Variants in LARS2 observed in about 807,000 individuals in gnomAD.
The protein encoded by LARS2 is leucyl-tRNA synthetase 2, mitochondrial, also known as leucine--tRNA ligase, mitochondrial.
LARS2 carries 81 observed loss-of-function variants against 116.6 expected under a neutral mutation model. The observed-to-expected ratio is 0.69, with a 90% CI of 0.58 to 0.84. The LOEUF is 0.84. LARS2 is among the 40% of genes least tolerant of loss of function. LARS2 has a pLI of 0.00. For missense variants in LARS2, 968 were observed against 1,114.5 expected (o/e 0.87, Z 1.87); for synonymous variants, 396 against 407.2 (o/e 0.97, Z 0.33).
intron 4 of LARS2, among the ~76,000 whole-genome samples, chr3:45,412,008 G>C (rs1276646096): frequency 6.6e-6 from 1 of 152,186 alleles, no homozygotes; most frequent in Non-Finnish European, 1.5e-5. Flanking sequence ...TGTTGCTGCA[G>C]AGGACATGAT....
At chr3:45,470,118 T>G (rs1699496336) in intron 8 of LARS2, among the ~76,000 whole-genome samples, 1 of 152,188 alleles carries the variant, frequency 6.6e-6, no homozygotes, top group Non-Finnish European at 1.5e-5. Context: ...TTTTTTTACC[T>G]GGGTCTTCTA....
intron 20 of LARS2, among the ~76,000 whole-genome samples, chr3:45,535,740 T>C (rs1158461836): frequency 7.3e-6 from 1 of 137,022 alleles, no homozygotes; most frequent in Non-Finnish European, 1.6e-5. Flanking sequence ...ATGGTTATGC[T>C]AAGTTACACA....
intron 1 of LARS2, among the ~76,000 whole-genome samples, chr3:45,391,145 T>C (rs1697939879): frequency 6.6e-6 from 1 of 152,178 alleles, no homozygotes; most frequent in Non-Finnish European, 1.5e-5. Context: ...TTTCATTGTT[T>C]TTATACTCAG....
At chr3:45,442,278 C>T (rs1166444591) in intron 6 of LARS2, among the ~76,000 whole-genome samples, 2 of 152,218 alleles carry the variant, frequency 1.3e-5, no homozygotes, top group African/African-American at 2.4e-5. Context: ...CCCCACCCCA[C>T]AGACACAGGG....
chr3:45,524,197 C>A, intron 20 of LARS2, 89 bp downstream of exon 20: 1 of 839,818 alleles, frequency 1.2e-6, no homozygotes, highest in Non-Finnish European at 2.0e-6. Context: ...CTCAGATGTC[C>A]TCAGATATAG....
chr3:45,403,804 C>T (rs898923793), intron 4 of LARS2, among the ~76,000 whole-genome samples: 1 of 151,876 alleles, frequency 6.6e-6, no homozygotes, highest in South Asian at 2.1e-4. Context: ...TAAGGTCAGG[C>T]TAGACCCAGA....
chr3:45,487,362 A>G (rs568614394), intron 11 of LARS2, among the ~76,000 whole-genome samples: 45 of 152,330 alleles, frequency 3.0e-4, no homozygotes, highest in African/African-American at 1.1e-3. Flanking sequence ...CTAGAACACT[A>G]CAAAACTTTC....
chr3:45,425,922 C>CT (rs200594189), intron 6 of LARS2, among the ~76,000 whole-genome samples: 13,199 of 99,766 alleles, frequency 0.13, 948 homozygotes, highest in East Asian at 0.26. Flanking sequence ...CTTTTCTTTT[C>CT]TTTTTTTTTT....
At chr3:45,494,057 C>G (rs1194473608) in intron 13 of LARS2, among the ~76,000 whole-genome samples, 2 of 152,160 alleles carry the variant, frequency 1.3e-5, no homozygotes, top group African/African-American at 4.8e-5. Flanking sequence ...CTGTTGAGAT[C>G]AGCTTCTTAG....
At chr3:45,535,236 A>AG (rs1385980095) in intron 20 of LARS2, among the ~76,000 whole-genome samples, 4 of 152,106 alleles carry the variant, frequency 2.6e-5, no homozygotes, top group Admixed American at 6.6e-5. Flanking sequence ...CTATAATCCC[A>AG]GCTACTCAGG....
At chr3:45,438,997 G>A (rs2125699499) in intron 6 of LARS2, among the ~76,000 whole-genome samples, 1 of 152,206 alleles carries the variant, frequency 6.6e-6, no homozygotes, top group East Asian at 1.9e-4. Flanking sequence ...GGGCTGTACT[G>A]AGTGTCTGAT....
intron 13 of LARS2, among the ~76,000 whole-genome samples, chr3:45,494,099 C>T (rs1400063960): frequency 1.3e-5 from 2 of 152,114 alleles, no homozygotes; most frequent in Non-Finnish European, 2.9e-5. Flanking sequence ...GCTGGGTTCC[C>T]CGAGGGCTCT....
intron 7 of LARS2, among the ~76,000 whole-genome samples, chr3:45,449,503 C>T (rs993707243): frequency 6.6e-6 from 1 of 152,060 alleles, no homozygotes; most frequent in East Asian, 1.9e-4. Flanking sequence ...ATAACTAACC[C>T]ACACCCATGA....
At chr3:45,461,539 G>T (rs1374652334) in intron 8 of LARS2, among the ~76,000 whole-genome samples, 1 of 152,132 alleles carries the variant, frequency 6.6e-6, no homozygotes, top group Admixed American at 6.6e-5. Context: ...TAACCATGGG[G>T]ACCATAGGAA....
At position 45,400,251 on chromosome 3, in the gene LARS2, A is replaced by C; in HGVS notation, c.241A>C (p.Lys81Gln). ...ASKISEADKS[K>Q]PKFYVLSMFP... is the part of the protein sequence containing the mutation. ...CATTGTCGTTCTTTCCTAGAAATCG[A>C]AGCCAAAATTTTACGTGCTTTCCAT... Residue 81 changes from lysine to glutamine, a missense_variant, in exon 4 of 22, where the codon AAG becomes CAG. Physicochemically the swap from Lys to Gln is moderately conservative, Grantham distance 53. Transcript: ENST00000645846. 1 of 1,612,996 alleles carries C rather than the reference A, an allele frequency of 6.2e-7. No individual in the cohort carries two copies. Among genetic ancestry groups the C allele is most frequent in the African/African-American group, 1.3e-5 (1 of 74,992 alleles).
At chr3:45,482,519 T>A (rs1340034099) in intron 10 of LARS2, among the ~76,000 whole-genome samples, 1 of 152,228 alleles carries the variant, frequency 6.6e-6, no homozygotes, top group South Asian at 2.1e-4. Context: ...CAAACATTAG[T>A]GTCACCTTGC....
intron 13 of LARS2, among the ~76,000 whole-genome samples, chr3:45,492,237 A>G (rs1559486440): frequency 6.6e-6 from 1 of 152,252 alleles, no homozygotes; most frequent in Non-Finnish European, 1.5e-5. Context: ...TGAGTAGCAG[A>G]GTAGTTGCTA....
rs1700110357 is a variant in LARS2, at chr3:45,501,094, A to G, written c.1760+515A>G. On this transcript the variant is annotated intron_variant, in intron 15 of 21. Coordinates refer to ENST00000645846, the MANE Select transcript of LARS2 (RefSeq NM_015340.4). ...GAAAAATGTGTGTGTACTTTTCCCC[A>G]TGAAACGTATCATATATAAAAATTA... Among the ~76,000 whole-genome samples, 3 of 145,234 alleles carry G rather than the reference A, an allele frequency of 2.1e-5. No homozygotes were observed. The East Asian group carries it at 6.1e-4, about 30-fold the overall frequency.
chr3:45,528,313 G>A (rs1268201219), intron 20 of LARS2, among the ~76,000 whole-genome samples: 6 of 152,154 alleles, frequency 3.9e-5, no homozygotes, highest in African/African-American at 1.2e-4. Context: ...CTCCAGCCTG[G>A]CTGACAGAGC....
Sources: allele counts gnomAD v4.1 joint callset (sites outside exome capture counted in the v4.1 genomes callset), GRCh38; gene constraint gnomAD v4.1.1; transcripts MANE v1.5; gene names NCBI Gene and HGNC (gene_info 2026-07-23, HGNC 2026-07-21).